OPCML: variants seen among roughly 807,000 people sequenced by gnomAD.
OPCML encodes opioid binding protein/cell adhesion molecule like, also known as opioid-binding protein/cell adhesion molecule.
A neutral mutation model predicts 37.8 loss-of-function variants in OPCML; 13 were observed. The observed-to-expected ratio is 0.34, with a 90% CI of 0.22 to 0.55. OPCML has a LOEUF of 0.55. Among genes scored for constraint, OPCML ranks in the 20% least tolerant of loss-of-function variants. OPCML has a pLI of 0.91. For synonymous variants in OPCML, 176 were observed against 168.8 expected (o/e 1.04, Z -0.33); for missense variants, 341 against 435.6 (o/e 0.78, Z 1.93).
At chr11:132,736,031 A>G (rs1305598699) in intron 2 of OPCML, among the ~76,000 whole-genome samples, 2 of 152,242 alleles carry the variant, frequency 1.3e-5, no homozygotes, top group African/African-American at 4.8e-5. Context: ...GTCTGAATCA[A>G]GGAACTGTCA....
chr11:132,791,954 C>A (rs1262298085), intron 2 of OPCML, among the ~76,000 whole-genome samples: 2 of 152,058 alleles, frequency 1.3e-5, no homozygotes, highest in East Asian at 1.9e-4. Flanking sequence ...ATTATGGGCG[C>A]CCATTTTGTG....
At position 133,093,102 on chromosome 11, in the gene OPCML, T is replaced by C. The variant is rs557418047; in HGVS notation, c.62-150092A>G. On this transcript the variant is annotated intron_variant, in intron 1 of 7. Transcript: ENST00000524381. ...TTTTTGTATTTCAATAGGTTTTTGA[T>C]GAACAGGGGTATTTGGTTACATGAA... 1.8e-3 allele frequency among the ~76,000 whole-genome samples: 276 copies of C among 152,250 alleles called. 1 individual carries two copies. Among genetic ancestry groups the C allele is most frequent in the Middle Eastern group, 3.4e-3 (1 of 294 alleles).
intron 4 of OPCML, among the ~76,000 whole-genome samples, chr11:132,477,990 T>C (rs2096163184): frequency 6.6e-6 from 1 of 152,208 alleles, no homozygotes; most frequent in Non-Finnish European, 1.5e-5. Context: ...TTATTCATTT[T>C]TAAATATATG....
intron 3 of OPCML, among the ~76,000 whole-genome samples, chr11:132,593,684 A>C (rs144611707): frequency 2.0e-3 from 305 of 152,300 alleles, no homozygotes; most frequent in Non-Finnish European, 3.8e-3. Flanking sequence ...TGAAGTTTAG[A>C]GGTACAGCCA....
At chr11:133,068,335 G>T (rs1948471943) in intron 1 of OPCML, among the ~76,000 whole-genome samples, 1 of 152,304 alleles carries the variant, frequency 6.6e-6, no homozygotes, top group Admixed American at 6.5e-5. Flanking sequence ...TAGATCAGAA[G>T]AACATCCTCA....
chr11:132,791,565 T>C (rs950980952), intron 2 of OPCML, among the ~76,000 whole-genome samples: 1 of 152,158 alleles, frequency 6.6e-6, no homozygotes, highest in Non-Finnish European at 1.5e-5. Flanking sequence ...TTCAGCAGCT[T>C]ATAGAGGCTG....
At chr11:132,581,500 G>A (rs1440271094) in intron 3 of OPCML, among the ~76,000 whole-genome samples, 12 of 152,236 alleles carry the variant, frequency 7.9e-5, no homozygotes, top group Admixed American at 7.8e-4. Flanking sequence ...CACCTACTTT[G>A]TTCACACATA....
At chr11:132,523,386 G>GA (rs1490772578) in intron 4 of OPCML, among the ~76,000 whole-genome samples, 1 of 137,892 alleles carries the variant, frequency 7.3e-6, no homozygotes, top group East Asian at 2.0e-4. Context: ...CCAGACAGGT[G>GA]TCATCAGTGC....
At chr11:132,713,011 C>T (rs1374954116) in intron 2 of OPCML, among the ~76,000 whole-genome samples, 2 of 152,128 alleles carry the variant, frequency 1.3e-5, no homozygotes, top group Non-Finnish European at 2.9e-5. Context: ...GCTCCGAGGG[C>T]GCTTTCCACA....
intron 1 of OPCML, among the ~76,000 whole-genome samples, chr11:133,326,922 A>AGT (rs1335899771): frequency 2.3e-5 from 1 of 44,070 alleles, no homozygotes; most frequent in African/African-American, 9.1e-5. Flanking sequence ...TGGGGCGGCG[A>AGT]GTGTGTGTGT....
intron 3 of OPCML, among the ~76,000 whole-genome samples, chr11:132,559,298 G>A (rs543031453): frequency 6.6e-6 from 1 of 152,218 alleles, no homozygotes; most frequent in South Asian, 2.1e-4. Context: ...AATGCTACAA[G>A]GTTATGGGTA....
chr11:132,660,984 T>A (rs1054961995), intron 2 of OPCML, among the ~76,000 whole-genome samples: 1 of 152,180 alleles, frequency 6.6e-6, no homozygotes, highest in African/African-American at 2.4e-5. Flanking sequence ...GTTGTCCTTG[T>A]ATAGGACCAA....
intron 3 of OPCML, among the ~76,000 whole-genome samples, chr11:132,570,421 G>A (rs2096434506): frequency 1.3e-5 from 2 of 152,044 alleles, no homozygotes; most frequent in African/African-American, 4.8e-5. Flanking sequence ...GGACATGAGG[G>A]TTTACTAAGG....
intron 4 of OPCML, among the ~76,000 whole-genome samples, chr11:132,460,357 A>G (rs2096097069): frequency 6.6e-6 from 1 of 152,182 alleles, no homozygotes; most frequent in African/African-American, 2.4e-5. Flanking sequence ...CAAATTGGGA[A>G]AGGCTAACAA....
At chr11:133,001,419 A>C (rs1047816809) in intron 1 of OPCML, among the ~76,000 whole-genome samples, 2 of 152,182 alleles carry the variant, frequency 1.3e-5, no homozygotes, top group African/African-American at 4.8e-5. Flanking sequence ...GCAAATGATA[A>C]AGAAGAAGGC....
intron 1 of OPCML, among the ~76,000 whole-genome samples, chr11:132,976,298 G>C (rs1292143521): frequency 6.6e-6 from 1 of 152,140 alleles, no homozygotes; most frequent in Non-Finnish European, 1.5e-5. Flanking sequence ...TGAGGTGGGG[G>C]GAGGGGTTAA....
chr11:132,725,305 A>G (rs1262572252), intron 2 of OPCML, among the ~76,000 whole-genome samples: 4 of 152,186 alleles, frequency 2.6e-5, no homozygotes, highest in Non-Finnish European at 5.9e-5. Context: ...CTCTGAAATC[A>G]CAGCCCAAAC....
intron 5 of OPCML, 74 bp downstream of exon 5, chr11:132,437,148 T>G: frequency 3.2e-6 from 5 of 1,556,308 alleles, no homozygotes; most frequent in Non-Finnish European, 4.3e-6. Flanking sequence ...AAAATGGCAC[T>G]GCCATTACCA....
intron 1 of OPCML, among the ~76,000 whole-genome samples, chr11:133,220,039 C>T (rs949404616): frequency 6.6e-6 from 1 of 152,114 alleles, no homozygotes; most frequent in African/African-American, 2.4e-5. Flanking sequence ...TGACCTTATT[C>T]CCTCACCAAA....
Sources: gnomAD v4.1 joint callset for allele counts (sites outside exome capture counted in the v4.1 genomes callset) on GRCh38, gnomAD v4.1.1 for gene constraint, MANE v1.5 for transcripts, NCBI Gene and HGNC (gene_info 2026-07-23, HGNC 2026-07-21) for gene names.